The following RALYL variants were observed in gnomAD, a reference collection of about 807,000 sequenced individuals.
RALYL encodes the protein RALY RNA binding protein like, also known as RNA-binding Raly-like protein.
Under a neutral mutation model 35.1 loss-of-function variants are expected in RALYL, and 29 were observed. The observed-to-expected ratio is 0.83, with a 90% CI of 0.61 to 1.13. The LOEUF is 1.13. Ranked by LOEUF, RALYL falls within the 50% of genes most tolerant of loss-of-function variation. The probability of loss-of-function intolerance (pLI) is 0.00; values close to 1 mark genes in which losing one functional copy is unlikely to be tolerated. For missense variants in RALYL, 359 were observed against 360.4 expected (o/e 1.00, Z 0.03); for synonymous variants, 120 against 127.6 (o/e 0.94, Z 0.40).
chr8:84,316,091 A>G (rs1843699986), intron 1 of RALYL, among the ~76,000 whole-genome samples: 1 of 152,112 alleles, frequency 6.6e-6, no homozygotes, highest in African/African-American at 2.4e-5. Flanking sequence ...ATAATTTTAT[A>G]TTTGGAAAGT....
chr8:84,898,056 G>T (rs1468930300), intron 8 of RALYL, among the ~76,000 whole-genome samples: 2 of 152,204 alleles, frequency 1.3e-5, no homozygotes, highest in African/African-American at 4.8e-5. Context: ...CGCATGGAAA[G>T]AACAGTATAT....
At chr8:84,538,316 T>C (rs2059765686) in intron 2 of RALYL, among the ~76,000 whole-genome samples, 1 of 152,220 alleles carries the variant, frequency 6.6e-6, no homozygotes, top group South Asian at 2.1e-4. Flanking sequence ...TTAAAGATTG[T>C]ATTAGTTCTA....
chr8:84,291,191 A>G (rs941716185), intron 1 of RALYL, among the ~76,000 whole-genome samples: 1 of 152,206 alleles, frequency 6.6e-6, no homozygotes, highest in Non-Finnish European at 1.5e-5. Flanking sequence ...CGGTGAGACT[A>G]AAGTTTACTG....
chr8:84,552,338 G>GTGTA (rs1460760818), intron 2 of RALYL, among the ~76,000 whole-genome samples: 5 of 73,924 alleles, frequency 6.8e-5, no homozygotes, highest in East Asian at 8.3e-4. Flanking sequence ...GGATGTGTGT[G>GTGTA]TATATATATA....
intron 1 of RALYL, among the ~76,000 whole-genome samples, chr8:84,428,625 CTA>C: frequency 6.6e-6 from 1 of 152,158 alleles, no homozygotes; most frequent in Non-Finnish European, 1.5e-5. Flanking sequence ...GGAAATTTTA[CTA>C]TGTTTCTGTC....
intron 1 of RALYL, among the ~76,000 whole-genome samples, chr8:84,271,849 TG>T (rs1834368186): frequency 6.6e-6 from 1 of 152,080 alleles, no homozygotes; most frequent in Non-Finnish European, 1.5e-5. Context: ...AGGCTGCAAA[TG>T]GGCATAATGC....
chr8:84,760,094 A>G (rs1178982634), intron 2 of RALYL, among the ~76,000 whole-genome samples: 1 of 152,144 alleles, frequency 6.6e-6, no homozygotes, highest in Non-Finnish European at 1.5e-5. Context: ...TAATTTATCC[A>G]TGTACCCTTA....
chr8:84,396,391 G>T (rs1341571683), intron 1 of RALYL, among the ~76,000 whole-genome samples: 1 of 152,010 alleles, frequency 6.6e-6, no homozygotes, highest in Non-Finnish European at 1.5e-5. Context: ...ATTTCAACCA[G>T]TAATGTTATT....
chr8:84,732,382 C>T (rs780986514), intron 2 of RALYL, among the ~76,000 whole-genome samples: 163 of 152,134 alleles, frequency 1.1e-3, no homozygotes, highest in Non-Finnish European at 2.3e-3. Flanking sequence ...GCTCCACAAG[C>T]TTCTCTTTTT....
chr8:84,410,264 T>C (rs2043968571), intron 1 of RALYL, among the ~76,000 whole-genome samples: 1 of 151,944 alleles, frequency 6.6e-6, no homozygotes. Flanking sequence ...TAGAACCGGA[T>C]TGCCTAGGTT....
At chr8:84,569,160 C>G (rs1388872971) in intron 2 of RALYL, among the ~76,000 whole-genome samples, 4 of 151,862 alleles carry the variant, frequency 2.6e-5, no homozygotes, top group African/African-American at 9.7e-5. Context: ...AGGTTTTCTT[C>G]TAGGGTTTTT....
chr8:84,494,335 C>A (rs7003193), intron 1 of RALYL, among the ~76,000 whole-genome samples: 2,476 of 152,148 alleles, frequency 0.016, 68 homozygotes, highest in African/African-American at 0.056. Context: ...AGTCTGGTAA[C>A]ATGATGCCTC....
chr8:84,291,491 G>A (rs949722189), intron 1 of RALYL, among the ~76,000 whole-genome samples: 7 of 152,110 alleles, frequency 4.6e-5, no homozygotes, highest in South Asian at 4.1e-4. Flanking sequence ...AAAAATATCA[G>A]TTGAATTATA....
chr8:84,399,403 A>C (rs1282286214), intron 1 of RALYL, among the ~76,000 whole-genome samples: 1 of 152,164 alleles, frequency 6.6e-6, no homozygotes, highest in Admixed American at 6.5e-5. Flanking sequence ...AATAAGTGCA[A>C]ACTCAAAATG....
Position 84,921,107 on chromosome 8 carries a change from T to C in RALYL, c.*196T>C. On this transcript the variant is annotated 3_prime_UTR_variant, in exon 9 of 9. Coordinates refer to ENST00000521268, the MANE Select transcript of RALYL (RefSeq NM_173848.7). ...TGTTTTAAGCTGTACAATTGTCAGG[T>C]TTTTATGGTTTAAATTGTAAATGTG... The C allele has an allele frequency of 2.5e-6, 1 of 392,280 alleles. No individual in the cohort carries two copies. The highest frequency in any genetic ancestry group is 4.7e-6 in the Non-Finnish European group (1 of 214,120). 24.3% of individuals were successfully genotyped at this position (392,280 alleles called of 1,614,324 possible).
chr8:84,317,176 C>T (rs181372809), intron 1 of RALYL, among the ~76,000 whole-genome samples: 3 of 152,250 alleles, frequency 2.0e-5, no homozygotes, highest in African/African-American at 2.4e-5. Context: ...TCTAAATTAA[C>T]TCATCTTTCA....
At chr8:84,255,866 T>C (rs1166916019) in intron 1 of RALYL, among the ~76,000 whole-genome samples, 1 of 152,156 alleles carries the variant, frequency 6.6e-6, no homozygotes, top group African/African-American at 2.4e-5. Flanking sequence ...GCATATAATT[T>C]CACTGTAGAC....
chr8:84,651,720 T>G (rs1828874637), intron 2 of RALYL, among the ~76,000 whole-genome samples: 1 of 151,942 alleles, frequency 6.6e-6, no homozygotes, highest in Non-Finnish European at 1.5e-5. Flanking sequence ...GAAAAAAACT[T>G]AAGAGAAATA....
chr8:84,752,163 G>A (rs1285564457), intron 2 of RALYL, among the ~76,000 whole-genome samples: 1 of 152,196 alleles, frequency 6.6e-6, no homozygotes, highest in Non-Finnish European at 1.5e-5. Context: ...GGGAAGTGGA[G>A]CAAAGGTCAC....
Sources: allele counts gnomAD v4.1 joint callset (sites outside exome capture counted in the v4.1 genomes callset), GRCh38; gene constraint gnomAD v4.1.1; transcripts MANE v1.5; gene names NCBI Gene and HGNC (gene_info 2026-07-23, HGNC 2026-07-21).